Variants in CDH2 observed in about 807,000 individuals in gnomAD.
The protein encoded by CDH2 is cadherin-2.
Under a neutral mutation model 92.0 loss-of-function variants are expected in CDH2, and 17 were observed. The observed-to-expected ratio is 0.18, with a 90% CI of 0.13 to 0.28. The LOEUF is 0.28. Ranked by LOEUF, CDH2 falls within the 10% of genes least tolerant of loss-of-function variation. The probability of loss-of-function intolerance (pLI) is 1.00; values close to 1 mark genes in which losing one functional copy is unlikely to be tolerated. For missense variants in CDH2, 862 were observed against 1,133.1 expected, an observed-to-expected ratio of 0.76 and a Z score of 3.44; for synonymous variants, 419 against 415.9, an observed-to-expected ratio of 1.01 and a Z score of -0.09.
intron 1 of CDH2, among the ~76,000 whole-genome samples, chr18:28,176,319 C>G (rs1330558634): frequency 1.3e-5 from 2 of 152,128 alleles, no homozygotes; most frequent in African/African-American, 4.8e-5. Context: ...AGGCGCTGAC[C>G]GGCAGAGACT....
chr18:27,994,064 C>T (rs1013196871), intron 7 of CDH2, among the ~76,000 whole-genome samples: 1 of 152,214 alleles, frequency 6.6e-6, no homozygotes, highest in Non-Finnish European at 1.5e-5. Flanking sequence ...AGAACACATA[C>T]ATAATTCACA....
chr18:28,074,264 G>T (rs1290992309), intron 2 of CDH2, among the ~76,000 whole-genome samples: 1 of 152,182 alleles, frequency 6.6e-6, no homozygotes, highest in Non-Finnish European at 1.5e-5. Flanking sequence ...AATAAGGAAA[G>T]CAGTGAGGAA....
intron 7 of CDH2, among the ~76,000 whole-genome samples, chr18:27,994,870 C>T (rs1360647662): frequency 6.6e-6 from 1 of 152,064 alleles, no homozygotes; most frequent in Non-Finnish European, 1.5e-5. Context: ...ATGCCAATCT[C>T]TAGCAGTTAT....
At chr18:28,014,025 G>A in intron 2 of CDH2, 116 bp from the exon 3 acceptor site, 1 of 667,500 alleles carries the variant, frequency 1.5e-6, no homozygotes, top group South Asian at 1.9e-5. Context: ...ACAGTAGCAT[G>A]AAACACAGAA....
At chr18:28,156,335 A>T (rs1177383346) in intron 1 of CDH2, among the ~76,000 whole-genome samples, 1 of 152,196 alleles carries the variant, frequency 6.6e-6, no homozygotes, top group Non-Finnish European at 1.5e-5. Context: ...CAGCCCCACA[A>T]TACAAGAGTT....
At chr18:28,091,884 G>A (rs534302170) in intron 2 of CDH2, among the ~76,000 whole-genome samples, 2 of 151,980 alleles carry the variant, frequency 1.3e-5, no homozygotes, top group African/African-American at 4.8e-5. Flanking sequence ...CAATAGAAAT[G>A]TGTATTCTCA....
intron 2 of CDH2, among the ~76,000 whole-genome samples, chr18:28,125,422 A>AG (rs2015660749): frequency 6.6e-6 from 1 of 151,722 alleles, no homozygotes; most frequent in Non-Finnish European, 1.5e-5. Context: ...GTAAAAAAAA[A>AG]TTTTTTTTTC....
chr18:28,000,172 C>A (rs1016205933), intron 7 of CDH2, among the ~76,000 whole-genome samples: 2 of 152,140 alleles, frequency 1.3e-5, no homozygotes, highest in Admixed American at 1.3e-4. Context: ...GGTGCAATCA[C>A]GGCTCACTGC....
chr18:28,036,505 A>C (rs184436687), intron 2 of CDH2: 35 of 1,604,912 alleles, frequency 2.2e-5, no homozygotes, highest in Non-Finnish European at 2.9e-5. Flanking sequence ...TTGGTTCTTT[A>C]ATTTCTCAGT....
intron 6 of CDH2, among the ~76,000 whole-genome samples, chr18:27,936,217 T>C (rs1312794568): frequency 6.6e-6 from 1 of 152,148 alleles, no homozygotes; most frequent in African/African-American, 2.4e-5. Context: ...TCTACAAAGG[T>C]CTTTTATATA....
At chr18:27,936,821 G>A (rs1266325460) in intron 6 of CDH2, among the ~76,000 whole-genome samples, 2 of 152,032 alleles carry the variant, frequency 1.3e-5, no homozygotes, top group African/African-American at 4.8e-5. Context: ...ATTACAGGCT[G>A]AGCCACTGTG....
chr18:27,974,261 G>GATAAC (rs1189316243), intron 14 of CDH2, among the ~76,000 whole-genome samples: 1 of 152,106 alleles, frequency 6.6e-6, no homozygotes, highest in Non-Finnish European at 1.5e-5. Flanking sequence ...AGAATGGGCT[G>GATAAC]ATAACATATA....
chr18:27,981,851 C>T (rs1241328130), intron 14 of CDH2, among the ~76,000 whole-genome samples: 2 of 152,172 alleles, frequency 1.3e-5, no homozygotes, highest in Admixed American at 1.3e-4. Context: ...GGTTCTCTTT[C>T]AGACTGTTAT....
chr18:28,022,788 T>G, intron 2 of CDH2, among the ~76,000 whole-genome samples: 1 of 152,164 alleles, frequency 6.6e-6, no homozygotes, highest in East Asian at 1.9e-4. Context: ...AGGTTTTCAA[T>G]ATAACACCAA....
At chr18:28,168,085 T>C (rs902736875) in intron 1 of CDH2, among the ~76,000 whole-genome samples, 7 of 152,306 alleles carry the variant, frequency 4.6e-5, no homozygotes, top group African/African-American at 1.7e-4. Context: ...TTACATCCCC[T>C]TTCAATTTAG....
intron 2 of CDH2, among the ~76,000 whole-genome samples, chr18:28,073,455 G>A (rs1448641168): frequency 6.6e-6 from 1 of 152,080 alleles, no homozygotes; most frequent in Non-Finnish European, 1.5e-5. Context: ...ATCAAACCTT[G>A]AAGATATAGA....
intron 2 of CDH2, among the ~76,000 whole-genome samples, chr18:28,026,981 T>G (rs1279366339): frequency 6.6e-6 from 1 of 152,118 alleles, no homozygotes; most frequent in Non-Finnish European, 1.5e-5. Context: ...CATTTAAAAG[T>G]TGATGCCCTC....
intron 2 of CDH2, among the ~76,000 whole-genome samples, chr18:28,135,751 A>C (rs928006485): frequency 1.3e-5 from 2 of 152,242 alleles, no homozygotes; most frequent in Non-Finnish European, 2.9e-5. Context: ...AATCTCACAA[A>C]GAAATTAGGA....
chr18:28,038,224 A>C (rs1179027554), intron 2 of CDH2, among the ~76,000 whole-genome samples: 1 of 152,124 alleles, frequency 6.6e-6, no homozygotes, highest in Non-Finnish European at 1.5e-5. Flanking sequence ...GGAGTTCGAG[A>C]CCAGCCTGGG....
Sources: gnomAD v4.1 joint callset for allele counts (sites outside exome capture counted in the v4.1 genomes callset) on GRCh38, gnomAD v4.1.1 for gene constraint, MANE v1.5 for transcripts, NCBI Gene and HGNC (gene_info 2026-07-23, HGNC 2026-07-21) for gene names.